The following SLC35F3 variants were observed in gnomAD, a reference collection of about 807,000 sequenced individuals.
SLC35F3 encodes the protein solute carrier family 35 member F3.
A neutral mutation model predicts 49.9 loss-of-function variants in SLC35F3; 25 were observed. The observed-to-expected ratio is 0.50, with a 90% confidence interval of 0.37 to 0.70. The LOEUF (loss-of-function observed/expected upper bound fraction) is 0.70, where lower values mean the gene tolerates loss of function less well. Among genes scored for constraint, SLC35F3 ranks in the 30% least tolerant of loss-of-function variants. The pLI, the probability that SLC35F3 is intolerant of heterozygous loss-of-function variation, is 0.00. For missense variants in SLC35F3, 525 were observed against 639.8 expected (o/e 0.82, Z 1.94); for synonymous variants, 275 against 265.4 (o/e 1.04, Z -0.35).
chr1:233,909,020 G>C (rs919406010), intron 2 of SLC35F3, among the ~76,000 whole-genome samples: 1 of 150,104 alleles, frequency 6.7e-6, no homozygotes, highest in Admixed American at 6.7e-5. Context: ...CACCATGCCC[G>C]GCTAATTTTT....
intron 2 of SLC35F3, among the ~76,000 whole-genome samples, chr1:233,930,635 A>G (rs1013588555): frequency 2.6e-5 from 4 of 152,150 alleles, no homozygotes; most frequent in Non-Finnish European, 5.9e-5. Context: ...CCAAAACTCA[A>G]CTACCAGTAG....
intron 2 of SLC35F3, among the ~76,000 whole-genome samples, chr1:234,082,934 C>T (rs1231250962): frequency 6.6e-6 from 1 of 152,154 alleles, no homozygotes; most frequent in Non-Finnish European, 1.5e-5. Flanking sequence ...TGGGTGGGGA[C>T]ACAACCAAAC....
intron 3 of SLC35F3, among the ~76,000 whole-genome samples, chr1:234,276,896 G>C (rs572216896): frequency 2.1e-3 from 318 of 152,348 alleles, no homozygotes; most frequent in Non-Finnish European, 3.5e-3. Flanking sequence ...AACATTTGGT[G>C]CCCAGCATCT....
At position 234,120,937 on chromosome 1, in the gene SLC35F3, A is replaced by T. The variant is rs980916829; in HGVS notation, c.284-110480A>T. Among the ~76,000 whole-genome samples the T allele has an allele frequency of 2.6e-5, 4 of 152,150 alleles. No homozygotes were observed. The East Asian group carries it at 7.7e-4, about 29-fold the overall frequency. ...AAATGTTTTTTATGTGTCTTAGTAT[A>T]ATTTTCAAGCAGTTTTTTAGCATTT... On this transcript the variant is annotated intron_variant, in intron 2 of 7. Transcript: ENST00000366618.
At chr1:234,064,689 A>T (rs982329639) in intron 2 of SLC35F3, among the ~76,000 whole-genome samples, 4 of 152,238 alleles carry the variant, frequency 2.6e-5, no homozygotes, top group African/African-American at 4.8e-5. Flanking sequence ...ATCAAGTTAA[A>T]ACATGATAAT....
At chr1:234,282,320 A>G (rs555787944) in intron 3 of SLC35F3, among the ~76,000 whole-genome samples, 1 of 152,262 alleles carries the variant, frequency 6.6e-6, no homozygotes, top group African/African-American at 2.4e-5. Flanking sequence ...GAGCCGTGTG[A>G]GCCTCTAGGC....
chr1:234,088,711 A>G (rs1476093594), intron 2 of SLC35F3, among the ~76,000 whole-genome samples: 3 of 152,184 alleles, frequency 2.0e-5, no homozygotes, highest in African/African-American at 7.2e-5. Flanking sequence ...ACCACAGACT[A>G]TTAGGGATTT....
chr1:233,931,525 G>A (rs1165039523), intron 2 of SLC35F3, among the ~76,000 whole-genome samples: 1 of 152,138 alleles, frequency 6.6e-6, no homozygotes, highest in Non-Finnish European at 1.5e-5. Context: ...CATTTATGCA[G>A]CCAACAAACA....
At chr1:234,316,757 G>C (rs372857025) in intron 5 of SLC35F3, 30 bp downstream of exon 5, 17 of 1,584,108 alleles carry the variant, frequency 1.1e-5, no homozygotes, top group Non-Finnish European at 1.3e-5. Context: ...TTTCTCAGCT[G>C]GCTGGGCTCT....
chr1:234,166,103 G>T (rs1666315146), intron 2 of SLC35F3, among the ~76,000 whole-genome samples: 1 of 152,160 alleles, frequency 6.6e-6, no homozygotes, highest in South Asian at 2.1e-4. Flanking sequence ...CTCATCAGTT[G>T]ATGGGCACTT....
intron 2 of SLC35F3, among the ~76,000 whole-genome samples, chr1:234,000,648 G>C (rs1663536777): frequency 6.6e-6 from 1 of 152,196 alleles, no homozygotes. Context: ...GAATGGAACA[G>C]AAGCTAGGAA....
chr1:234,290,874 T>A (rs541189439), intron 3 of SLC35F3, among the ~76,000 whole-genome samples: 15 of 152,198 alleles, frequency 9.9e-5, no homozygotes, highest in African/African-American at 3.6e-4. Flanking sequence ...ATAACTCACC[T>A]TTTTTTTCCT....
chr1:234,226,981 A>G (rs1313903653), intron 2 of SLC35F3, among the ~76,000 whole-genome samples: 1 of 151,884 alleles, frequency 6.6e-6, no homozygotes, highest in Non-Finnish European at 1.5e-5. Context: ...ACACACACAC[A>G]CACACGTGCT....
chr1:234,140,767 C>T (rs187171918), intron 2 of SLC35F3, among the ~76,000 whole-genome samples: 147 of 152,310 alleles, frequency 9.7e-4, no homozygotes, highest in African/African-American at 3.0e-3. Context: ...AGGCAAGCTA[C>T]GGAACCTCCT....
intron 2 of SLC35F3, among the ~76,000 whole-genome samples, chr1:234,106,207 C>T (rs974166703): frequency 6.6e-5 from 10 of 152,218 alleles, no homozygotes; most frequent in Non-Finnish European, 1.2e-4. Context: ...TTCTTCTTTG[C>T]CAGCTATTGG....
chr1:234,302,890 T>A (rs778937200), intron 3 of SLC35F3, among the ~76,000 whole-genome samples: 2 of 152,190 alleles, frequency 1.3e-5, no homozygotes, highest in Non-Finnish European at 2.9e-5. Context: ...AGCAATTCAA[T>A]GCATGCACAT....
chr1:234,040,687 T>C (rs1429610782), intron 2 of SLC35F3, among the ~76,000 whole-genome samples: 3 of 152,194 alleles, frequency 2.0e-5, no homozygotes, highest in Non-Finnish European at 4.4e-5. Flanking sequence ...CTCACCTGGA[T>C]GACAAGGCTG....
intron 4 of SLC35F3, among the ~76,000 whole-genome samples, chr1:234,313,652 C>A (rs1001253050): frequency 6.6e-6 from 1 of 151,994 alleles, no homozygotes; most frequent in Non-Finnish European, 1.5e-5. Flanking sequence ...ATGGGGAGGT[C>A]AGGGGAGCTC....
rs1474649029 is a variant in SLC35F3, at chr1:233,905,121, G to A, written c.44G>A (p.Ser15Asn). 1.3e-6 allele frequency: 2 copies of A among 1,559,302 alleles called. No individual in the cohort carries two copies. The highest frequency in any genetic ancestry group is 1.2e-5 in the South Asian group (1 of 84,656). Residue 15 changes from serine (S) to asparagine (N), a missense_variant, in exon 1 of 8, where the codon AGC becomes AAC. Transcript: ENST00000366618. ...EFPSGAPRGK[S>N]IAVGMRRSPD... ...CCCAGCGGCGCACCCAGGGGCAAGA[G>A]CATTGCCGTGTGAGTAGCGCCCCGG...
Sources: allele counts gnomAD v4.1 joint callset (sites outside exome capture counted in the v4.1 genomes callset), GRCh38; gene constraint gnomAD v4.1.1; transcripts MANE v1.5; gene names NCBI Gene and HGNC (gene_info 2026-07-23, HGNC 2026-07-21).